Variants in THSD7B observed in about 807,000 individuals in gnomAD.
THSD7B encodes thrombospondin type-1 domain-containing protein 7B.
THSD7B carries 138 observed loss-of-function variants against 213.6 expected under a neutral mutation model. That is an observed-to-expected ratio of 0.65 (90% CI 0.56 to 0.74). The LOEUF is 0.74. Ranked by LOEUF, THSD7B falls within the 30% of genes least tolerant of loss-of-function variation. The pLI is 0.00. For missense variants in THSD7B, 1,931 were observed against 1,991.5 expected, an observed-to-expected ratio of 0.97 and a Z score of 0.58; for synonymous variants, 742 against 687.0, an observed-to-expected ratio of 1.08 and a Z score of -1.25.
At chr2:136,927,216 T>C (rs1046838664) in intron 2 of THSD7B, among the ~76,000 whole-genome samples, 1 of 151,924 alleles carries the variant, frequency 6.6e-6, no homozygotes, top group African/African-American at 2.4e-5. Flanking sequence ...CACTGTTTCC[T>C]GCTTCTCTTT....
At chr2:137,126,505 G>A (rs1205391329) in intron 5 of THSD7B, among the ~76,000 whole-genome samples, 1 of 140,260 alleles carries the variant, frequency 7.1e-6, no homozygotes, top group Non-Finnish European at 1.5e-5. Context: ...TAGAATTGAA[G>A]AGAGTTAAGA....
chr2:136,914,256 A>G (rs1186676078), intron 2 of THSD7B, among the ~76,000 whole-genome samples: 1 of 152,164 alleles, frequency 6.6e-6, no homozygotes, highest in Non-Finnish European at 1.5e-5. Context: ...GTATTTACCC[A>G]ATACCTGTAC....
intron 1 of THSD7B, among the ~76,000 whole-genome samples, chr2:136,796,094 C>A (rs1185360604): frequency 6.6e-6 from 1 of 151,826 alleles, no homozygotes; most frequent in Non-Finnish European, 1.5e-5. Context: ...TTTATTGCTC[C>A]TACTGCTTTT....
At chr2:137,412,650 AG>A (rs1204306188) in intron 14 of THSD7B, among the ~76,000 whole-genome samples, 1 of 151,098 alleles carries the variant, frequency 6.6e-6, no homozygotes, top group African/African-American at 2.4e-5. Flanking sequence ...ATAAAGTATA[AG>A]TATACCCAAG....
chr2:137,479,981 C>T (rs936739728), intron 15 of THSD7B, among the ~76,000 whole-genome samples: 1 of 152,156 alleles, frequency 6.6e-6, no homozygotes, highest in Non-Finnish European at 1.5e-5. Context: ...CAGGAGTTCA[C>T]AGTGGGAATG....
intron 5 of THSD7B, among the ~76,000 whole-genome samples, chr2:137,135,001 C>T (rs529295453): frequency 6.6e-6 from 1 of 152,278 alleles, no homozygotes; most frequent in South Asian, 2.1e-4. Flanking sequence ...CTGTGAACCT[C>T]AGTTTCTTCT....
intron 17 of THSD7B, among the ~76,000 whole-genome samples, chr2:137,591,930 T>A (rs1256579390): frequency 6.6e-6 from 1 of 151,818 alleles, no homozygotes; most frequent in Non-Finnish European, 1.5e-5. Flanking sequence ...CTCTTTTTTT[T>A]ATTTTTCTAT....
intron 14 of THSD7B, among the ~76,000 whole-genome samples, chr2:137,416,285 C>T (rs1399776369): frequency 6.6e-6 from 1 of 152,162 alleles, no homozygotes; most frequent in East Asian, 1.9e-4. Context: ...CTTTCCTGGT[C>T]TCTTTATGTA....
intron 27 of THSD7B, among the ~76,000 whole-genome samples, chr2:137,671,815 G>A (rs186775282): frequency 7.9e-5 from 12 of 152,200 alleles, no homozygotes; most frequent in South Asian, 2.1e-4. Context: ...TTCCAAGGAC[G>A]TTTCTGCTTC....
At chr2:137,456,670 G>C (rs1372477350) in intron 15 of THSD7B, among the ~76,000 whole-genome samples, 1 of 152,172 alleles carries the variant, frequency 6.6e-6, no homozygotes, top group Non-Finnish European at 1.5e-5. Context: ...GCACATTCAG[G>C]TGTACTGTTC....
intron 12 of THSD7B, among the ~76,000 whole-genome samples, chr2:137,404,476 C>CAT (rs1287082252): frequency 3.6e-5 from 3 of 83,406 alleles, no homozygotes; most frequent in African/African-American, 5.4e-5. Context: ...TATATATATA[C>CAT]ACACACACAC....
chr2:137,182,347 A>G (rs1029679415), intron 7 of THSD7B, among the ~76,000 whole-genome samples: 21 of 152,184 alleles, frequency 1.4e-4, no homozygotes, highest in Admixed American at 1.4e-3. Flanking sequence ...ATTAATTCTG[A>G]CTGGAGAGAG....
At chr2:137,250,215 C>T (rs1682142036) in intron 10 of THSD7B, among the ~76,000 whole-genome samples, 1 of 152,132 alleles carries the variant, frequency 6.6e-6, no homozygotes, top group South Asian at 2.1e-4. Context: ...AATTTATATG[C>T]ATTACTCTAT....
At chr2:137,592,725 A>C (rs1681888471) in intron 17 of THSD7B, among the ~76,000 whole-genome samples, 1 of 151,914 alleles carries the variant, frequency 6.6e-6, no homozygotes, top group Admixed American at 6.6e-5. Flanking sequence ...TATACTTTAT[A>C]TGTGAAAATG....
At chr2:137,192,972 ATGTGTATGTGTGTATG>A (rs548057314) in intron 7 of THSD7B, among the ~76,000 whole-genome samples, 7 of 151,862 alleles carry the variant, frequency 4.6e-5, no homozygotes, top group Admixed American at 4.6e-4. Context: ...GTGTGTGCGT[ATGTGTATGTGTGTATG>A]TGTGTATGTG....
At chr2:136,786,683 T>TA (rs1681857118) in intron 1 of THSD7B, among the ~76,000 whole-genome samples, 1 of 152,200 alleles carries the variant, frequency 6.6e-6, no homozygotes, top group African/African-American at 2.4e-5. Context: ...TCTGTGATGC[T>TA]AAAAATAATG....
chr2:136,898,065 C>G (rs528872592), intron 2 of THSD7B, among the ~76,000 whole-genome samples: 1 of 152,174 alleles, frequency 6.6e-6, no homozygotes, highest in Non-Finnish European at 1.5e-5. Context: ...AGACACAGAG[C>G]GCTGATCAGT....
Position 137,114,990 on chromosome 2 carries a change from C to A in THSD7B, c.1200-134C>A, listed in dbSNP as rs1688418569. On this transcript the variant is annotated intron_variant, in intron 4 of 27. Transcript: ENST00000409968. ...GATTTAGTAATTCAAAGCTAGTATA[C>A]TTCTTTATCCACAGGCAAAGATTTG... 5 of 906,012 alleles carry A rather than the reference C, an allele frequency of 5.5e-6. No homozygotes were observed. The Admixed American group carries it at 1.0e-4, about 19-fold the overall frequency. 56.1% of individuals were successfully genotyped at this position (906,012 alleles called of 1,614,324 possible).
At chr2:137,242,966 A>C (rs1273460346) in intron 10 of THSD7B, among the ~76,000 whole-genome samples, 3 of 152,202 alleles carry the variant, frequency 2.0e-5, no homozygotes, top group African/African-American at 7.2e-5. Context: ...GCTCGAATAC[A>C]ATGCTCACAT....
Sources: allele counts gnomAD v4.1 joint callset (sites outside exome capture counted in the v4.1 genomes callset), GRCh38; gene constraint gnomAD v4.1.1; transcripts MANE v1.5; gene names NCBI Gene and HGNC (gene_info 2026-07-23, HGNC 2026-07-21).